ATP10B: variants seen among roughly 807,000 people sequenced by gnomAD.
ATP10B encodes phospholipid-transporting ATPase VB.
A neutral mutation model predicts 141.2 loss-of-function variants in ATP10B; 122 were observed. The observed-to-expected ratio is 0.86, with a 90% confidence interval of 0.75 to 1.00. ATP10B has a LOEUF of 1.00. Ranked by LOEUF, ATP10B falls within the 50% of genes least tolerant of loss-of-function variation. ATP10B has a pLI of 0.00. For synonymous variants in ATP10B, 685 were observed against 692.0 expected, an observed-to-expected ratio of 0.99 and a Z score of 0.16; for missense variants, 1,876 against 1,825.3, an observed-to-expected ratio of 1.03 and a Z score of -0.51.
At chr5:160,872,514 T>A in the ATP10B span, among the ~76,000 whole-genome samples, 1 of 152,254 alleles carries the variant, frequency 6.6e-6, no homozygotes, top group South Asian at 2.1e-4. Flanking sequence ...GTTTCAGGTC[T>A]TAGATTTGAG....
At chr5:160,665,752 C>T (rs1189698441) in intron 7 of ATP10B, among the ~76,000 whole-genome samples, 3 of 152,106 alleles carry the variant, frequency 2.0e-5, no homozygotes, top group Non-Finnish European at 2.9e-5. Flanking sequence ...TATAGTAATT[C>T]TCATCATCCA....
rs1758111919 is a variant in ATP10B at position 160,617,865 on chromosome 5, T to A, written c.2525A>T (p.Lys842Met). The change falls in exon 16 of 26, where the codon AAG (lysine) becomes ATG (methionine). Residue 842 changes from lysine (K) to methionine (M), a missense_variant and splice_region_variant. Physicochemically the swap from Lys to Met is moderately conservative, Grantham distance 95. Transcript: ENST00000327245. ...DGLRTLCIAK[K>M]VVSEEDFRRW... ...CACGCTTGGAGGAATTGTTCTTACC[T>A]TCTTGGCAATGCATAGTGTGCGCAG... The A allele has an allele frequency of 2.5e-6, 4 of 1,613,300 alleles. No individual in the cohort carries two copies. The highest frequency in any genetic ancestry group is 1.1e-5 in the South Asian group (1 of 91,062).
intron 9 of ATP10B, among the ~76,000 whole-genome samples, chr5:160,642,774 C>A (rs1759969971): frequency 6.6e-6 from 1 of 152,202 alleles, no homozygotes; most frequent in South Asian, 2.1e-4. Context: ...CATTATAAAG[C>A]TACAAGGTAG....
rs1011329546 is a variant in ATP10B, at chr5:160,563,277, T to A, written c.*2176A>T. On this transcript the variant is annotated 3_prime_UTR_variant, in exon 26 of 26. Coordinates refer to ENST00000327245, the MANE Select transcript of ATP10B (RefSeq NM_025153.3). The stretch of plus-strand genomic sequence containing the variant: ...TAACTTTTCCCTGTAAGATGGCACA[T>A]TGGATGGTCACAGTTGGCTTGATTT... 2 of 152,148 alleles carry A rather than the reference T, an allele frequency of 1.3e-5. No homozygotes were observed. The highest frequency in any genetic ancestry group is 1.3e-4 in the Admixed American group (2 of 15,282). The allele number at this position is 152,148 out of a possible 1,614,324, so 9.4% of individuals were successfully genotyped here. A position where few individuals can be genotyped will look rare whatever the true frequency, so the allele number is the denominator to read the frequency against.
the ATP10B span, among the ~76,000 whole-genome samples, chr5:160,873,827 C>G: frequency 6.6e-6 from 1 of 152,190 alleles, no homozygotes; most frequent in African/African-American, 2.4e-5. Flanking sequence ...CTTTTCAGAC[C>G]TGCTTAAAAA....
chr5:160,588,242 C>T lies in ATP10B; in HGVS notation c.3750+1350G>A, dbSNP rs543831755. 2.7e-4 allele frequency among the ~76,000 whole-genome samples: 41 copies of T among 152,262 alleles called. No individual in the cohort carries two copies. In the South Asian group the frequency reaches 7.3e-3, roughly 27 times the overall value. On this transcript the variant is annotated intron_variant, in intron 24 of 25. Coordinates refer to ENST00000327245, the MANE Select transcript of ATP10B (RefSeq NM_025153.3). ...ATTTGAATACCCTTTATTTCTTTCT[C>T]GTGCTTGATTGCCCTGGCCAGAACT...
chr5:160,820,300 C>T (rs10476334), intron 1 of ATP10B, among the ~76,000 whole-genome samples: 20,268 of 151,900 alleles, frequency 0.13, 1,450 homozygotes, highest in African/African-American at 0.17. Flanking sequence ...TTCCTGGACA[C>T]ATGCAACCTA....
rs537242048 is a variant in ATP10B at position 160,631,765 on chromosome 5, G to A, written c.1620+364C>T. On this transcript the variant is annotated intron_variant, in intron 13 of 25. Transcript: ENST00000327245. ...CGGGATACATAGAGAAGGTGGGTGG[G>A]GGGCTGTGATGAGCTGAAGATGGCA... 9.7e-4 allele frequency among the ~76,000 whole-genome samples: 147 copies of A among 152,304 alleles called. 1 individual carries two copies. Among genetic ancestry groups the A allele is most frequent in the Non-Finnish European group, 9.0e-4 (61 of 68,016 alleles).
intron 1 of ATP10B, among the ~76,000 whole-genome samples, chr5:160,821,748 T>C (rs112684570): frequency 1.3e-5 from 2 of 151,920 alleles, no homozygotes; most frequent in African/African-American, 4.8e-5. Context: ...GCAAAGAACA[T>C]ACAGTGGGGG....
chr5:160,815,205 A>T (rs1264508649), intron 1 of ATP10B, among the ~76,000 whole-genome samples: 1 of 152,212 alleles, frequency 6.6e-6, no homozygotes, highest in Admixed American at 6.5e-5. Context: ...TTGGATAAAG[A>T]GTCAAGACCC....
chr5:160,679,441 C>G (rs1236487465), intron 6 of ATP10B, among the ~76,000 whole-genome samples: 2 of 152,230 alleles, frequency 1.3e-5, no homozygotes, highest in Non-Finnish European at 2.9e-5. Flanking sequence ...AGGCTGTGAG[C>G]TGAAATATGT....
chr5:160,700,184 G>A (rs1052594906), intron 3 of ATP10B, among the ~76,000 whole-genome samples: 1 of 152,162 alleles, frequency 6.6e-6, no homozygotes, highest in Admixed American at 6.5e-5. Flanking sequence ...AAGTGGCACT[G>A]GATGTTCCTT....
the ATP10B span, among the ~76,000 whole-genome samples, chr5:160,896,494 G>A: frequency 6.6e-6 from 1 of 152,090 alleles, no homozygotes; most frequent in Non-Finnish European, 1.5e-5. Context: ...ACTAAACCAG[G>A]AAGAAGTCGA....
intron 1 of ATP10B, among the ~76,000 whole-genome samples, chr5:160,790,624 T>C (rs191619499): frequency 3.2e-4 from 49 of 152,250 alleles, no homozygotes; most frequent in African/African-American, 1.2e-3. Flanking sequence ...AATTACCCTT[T>C]GTGTTATTGC....
chr5:160,871,878 T>C, the ATP10B span, among the ~76,000 whole-genome samples: 2,341 of 152,210 alleles, frequency 0.015, 58 homozygotes, highest in African/African-American at 0.054. Flanking sequence ...ACTTTTTTGG[T>C]ATAATGACTT....
At chr5:160,609,292 G>A (rs1757577377) in intron 18 of ATP10B, among the ~76,000 whole-genome samples, 2 of 152,074 alleles carry the variant, frequency 1.3e-5, no homozygotes, top group South Asian at 2.1e-4. Context: ...GGAAAAAACT[G>A]TGAAAGCAGT....
At chr5:160,649,482 C>T (rs1760546268) in intron 7 of ATP10B, among the ~76,000 whole-genome samples, 1 of 152,162 alleles carries the variant, frequency 6.6e-6, no homozygotes, top group Non-Finnish European at 1.5e-5. Flanking sequence ...GGTGATTACC[C>T]TGATTGCATT....
rs529610874 is a variant in ATP10B at position 160,795,458 on chromosome 5, G to A, written c.-575-9655C>T. ...CCTGGCCCCTTTGTTTTCTAGCACT[G>A]AGACTTGCAGCAATTCACTCATTTC... On this transcript the variant is annotated intron_variant, in intron 1 of 25. Coordinates refer to ENST00000327245, the MANE Select transcript of ATP10B (RefSeq NM_025153.3). 7.2e-5 allele frequency among the ~76,000 whole-genome samples: 11 copies of A among 152,210 alleles called. No individual in the cohort carries two copies. In the South Asian group the frequency reaches 2.1e-3, roughly 29 times the overall value.
At chr5:160,639,064 C>T (rs1389285798) in intron 10 of ATP10B, 1 of 152,458 alleles carries the variant, frequency 6.6e-6, no homozygotes, top group Middle Eastern at 3.1e-3. Context: ...TGCACAAAAC[C>T]ATTTTCCTTC....
Sources: gnomAD v4.1 joint callset for allele counts (sites outside exome capture counted in the v4.1 genomes callset) on GRCh38, gnomAD v4.1.1 for gene constraint, MANE v1.5 for transcripts, NCBI Gene and HGNC (gene_info 2026-07-23, HGNC 2026-07-21) for gene names.